HIVEP1: variants seen among roughly 807,000 people sequenced by gnomAD.
HIVEP1 encodes the protein HIVEP zinc finger 1, also known as zinc finger protein 40.
HIVEP1 carries 36 observed loss-of-function variants against 180.0 expected under a neutral mutation model. The ratio of observed to expected loss-of-function variants is 0.20; its 90% CI spans 0.15 to 0.26. HIVEP1 has a LOEUF of 0.26. Ranked by LOEUF, HIVEP1 falls within the 10% of genes least tolerant of loss-of-function variation. HIVEP1 has a pLI of 1.00. For synonymous variants in HIVEP1, 1,239 were observed against 1,239.0 expected, an observed-to-expected ratio of 1.00 and a Z score of 0.00; for missense variants, 3,143 against 3,268.7, an observed-to-expected ratio of 0.96 and a Z score of 0.94.
At chr6:12,108,772 C>T (rs895983194) in intron 3 of HIVEP1, among the ~76,000 whole-genome samples, 9 of 152,182 alleles carry the variant, frequency 5.9e-5, no homozygotes, top group Non-Finnish European at 1.0e-4. Flanking sequence ...GCGCCTCTCC[C>T]TCCACACCTC....
chr6:12,027,619 C>T (rs56138551), intron 2 of HIVEP1, among the ~76,000 whole-genome samples: 6,411 of 152,246 alleles, frequency 0.042, 181 homozygotes, highest in Middle Eastern at 0.16. Flanking sequence ...GTACATGAAA[C>T]GTCTTGTGAA....
intron 3 of HIVEP1, among the ~76,000 whole-genome samples, chr6:12,118,878 A>G (rs930745262): frequency 1.1e-3 from 162 of 152,324 alleles, no homozygotes; most frequent in African/African-American, 3.8e-3. Flanking sequence ...TCTCCTGAAA[A>G]TATCAGTTTT....
chr6:12,177,647 A>G, the HIVEP1 span, among the ~76,000 whole-genome samples: 1 of 152,218 alleles, frequency 6.6e-6, no homozygotes, highest in South Asian at 2.1e-4. Context: ...CCAACGTTAG[A>G]AATTTGAAAC....
chr6:12,017,886 G>A (rs1033333680), intron 2 of HIVEP1, among the ~76,000 whole-genome samples: 11 of 152,348 alleles, frequency 7.2e-5, no homozygotes, highest in South Asian at 4.1e-4. Context: ...ATCCCGCACT[G>A]GGGCCACAGG....
chr6:12,010,226 CATTAGTATG>C (rs1394383096), upstream of HIVEP1, among the ~76,000 whole-genome samples: 1 of 152,192 alleles, frequency 6.6e-6, no homozygotes, highest in Non-Finnish European at 1.5e-5. Flanking sequence ...GTAGGGTTAG[CATTAGTATG>C]CTAGACATAA....
intron 2 of HIVEP1, among the ~76,000 whole-genome samples, chr6:12,018,720 A>G (rs898088925): frequency 6.6e-6 from 1 of 152,218 alleles, no homozygotes; most frequent in Non-Finnish European, 1.5e-5. Context: ...GAAGCTGACA[A>G]GGCAAAGTGA....
intron 2 of HIVEP1, among the ~76,000 whole-genome samples, chr6:12,024,178 C>A (rs553739583): frequency 1.1e-4 from 17 of 150,968 alleles, no homozygotes; most frequent in African/African-American, 3.7e-4. Flanking sequence ...TCAAGTCATT[C>A]TTTGAGAAAG....
At chr6:12,097,810 T>C (rs1198865186) in intron 3 of HIVEP1, among the ~76,000 whole-genome samples, 2 of 152,158 alleles carry the variant, frequency 1.3e-5, no homozygotes, top group East Asian at 3.9e-4. Context: ...TTGTAGTACA[T>C]TAATGTAAAA....
chr6:12,039,647 A>G (rs958304139), intron 2 of HIVEP1, among the ~76,000 whole-genome samples: 7 of 152,190 alleles, frequency 4.6e-5, no homozygotes, highest in Non-Finnish European at 1.0e-4. Flanking sequence ...CTTATAATCA[A>G]GTAGAAGCGT....
intron 3 of HIVEP1, among the ~76,000 whole-genome samples, chr6:12,116,544 C>T (rs1581713191): frequency 6.6e-6 from 1 of 151,320 alleles, no homozygotes. Context: ...CCCCTCCTTA[C>T]AATAAAAAAA....
At chr6:12,064,851 G>A (rs954883859) in intron 2 of HIVEP1, among the ~76,000 whole-genome samples, 7 of 152,212 alleles carry the variant, frequency 4.6e-5, no homozygotes, top group African/African-American at 1.4e-4. Flanking sequence ...TTTCCATCCC[G>A]ATTTCCCAGT....
At chr6:12,207,742 A>AAAT in the HIVEP1 span, among the ~76,000 whole-genome samples, 40 of 138,162 alleles carry the variant, frequency 2.9e-4, no homozygotes, top group South Asian at 9.7e-4. Flanking sequence ...AGTCTCTACA[A>AAAT]AATAATAATA....
At chr6:12,149,429 A>T (rs1302209292) in intron 7 of HIVEP1, among the ~76,000 whole-genome samples, 1 of 152,194 alleles carries the variant, frequency 6.6e-6, no homozygotes, top group Non-Finnish European at 1.5e-5. Context: ...TAGCATAAAC[A>T]TAATCATCAC....
chr6:12,163,509 G>T lies in HIVEP1; in HGVS notation c.7205G>T (p.Gly2402Val). 1 of 1,614,096 alleles carries T rather than the reference G, an allele frequency of 6.2e-7. No homozygotes were observed. ...ACACCTTATAATATGGTTCCAGTTG[G>T]GGGGATCCATGTGGTACCTGCTGGC... is the stretch of plus-strand genomic sequence containing the variant. Reference protein sequence around the residue: ...SRTPYNMVPVGGIHVVPAGLT... With the variant: ...SRTPYNMVPVVGIHVVPAGLT... Residue 2402 changes from glycine (G) to valine (V), a missense_variant, in exon 9 of 9, where the codon GGG becomes GTG. By Grantham distance (109) the Gly-to-Val change is moderately radical. Around this residue, in one of 12 missense-constraint regions of HIVEP1, gnomAD observed 595 missense variants for 602.2 expected, o/e 0.99. Transcript: ENST00000379388.
chr6:12,069,392 G>A (rs990496933), intron 2 of HIVEP1, among the ~76,000 whole-genome samples: 6 of 152,082 alleles, frequency 3.9e-5, no homozygotes, highest in Non-Finnish European at 8.8e-5. Context: ...GTGGTGAGTG[G>A]ATGGGGAGGC....
intron 2 of HIVEP1, among the ~76,000 whole-genome samples, chr6:12,024,667 A>G (rs1326242641): frequency 6.6e-6 from 1 of 152,234 alleles, no homozygotes; most frequent in Non-Finnish European, 1.5e-5. Flanking sequence ...ACTGCTTAAT[A>G]TAGTATCCAG....
rs1262655446 is a variant in HIVEP1, at chr6:12,124,268, G to A, written c.4473G>A (p.Leu1491=). The A allele has an allele frequency of 6.2e-7, 1 of 1,613,990 alleles. No individual in the cohort carries two copies. Among genetic ancestry groups the A allele is most frequent in the African/African-American group, 1.3e-5 (1 of 74,916 alleles). The change falls in exon 4 of 9, where the codon CTG becomes CTA. Residue 1491 remains leucine, a synonymous_variant. Transcript: ENST00000379388. The stretch of plus-strand genomic sequence containing the variant: ...ACTCTCAGACTCAGGTTAAGGATCT[G>A]CAGGCAGAAACATCAAACTCCAGCT... ...TLHSQTQVKD[L]QAETSNSSST...
the HIVEP1 span, among the ~76,000 whole-genome samples, chr6:12,176,709 G>A: frequency 6.6e-6 from 1 of 152,060 alleles, no homozygotes; most frequent in African/African-American, 2.4e-5. Context: ...ATTTGTTTAA[G>A]TTCCTTACAG....
In HIVEP1 at chr6:12,135,795, T is replaced by C; in HGVS notation, c.6390T>C (p.Asn2130=). The C allele has an allele frequency of 5.0e-6, 8 of 1,605,528 alleles. No homozygotes were observed. The highest frequency in any genetic ancestry group is 6.8e-6 in the Non-Finnish European group (8 of 1,172,860). ...TAAACATTCTTTTCCCTTAAGGAAATCTGACAAAACACATGAAGTCCAAGG... is the reference window on the plus strand; with the variant it reads ...TAAACATTCTTTTCCCTTAAGGAAACCTGACAAAACACATGAAGTCCAAGG... The part of the protein sequence containing the change: ...YCNFSFKTKG[N]LTKHMKSKAH... Residue 2130 remains asparagine, a synonymous_variant, in exon 7 of 9, where the codon AAT becomes AAC. Transcript: ENST00000379388.
Sources: gnomAD v4.1 joint callset for allele counts (sites outside exome capture counted in the v4.1 genomes callset) on GRCh38, gnomAD v4.1.1 for gene constraint, gnomAD v4.1.1 regional missense constraint, MANE v1.5 for transcripts, NCBI Gene and HGNC (gene_info 2026-07-23, HGNC 2026-07-21) for gene names.